Variants in TMEM132C observed in about 807,000 individuals in gnomAD.
The protein encoded by TMEM132C is transmembrane protein 132C, also known as protein phosphatase 1, regulatory subunit 152.
A neutral mutation model predicts 61.4 loss-of-function variants in TMEM132C; 29 were observed. The ratio of observed to expected loss-of-function variants is 0.47; its 90% CI spans 0.35 to 0.64. The LOEUF is 0.64. Among genes scored for constraint, TMEM132C ranks in the 30% least tolerant of loss-of-function variants. TMEM132C has a pLI of 0.00. For missense variants in TMEM132C, 1,408 were observed against 1,476.9 expected, an observed-to-expected ratio of 0.95 and a Z score of 0.76; for synonymous variants, 656 against 633.1, an observed-to-expected ratio of 1.04 and a Z score of -0.54.
At chr12:128,274,293 T>G (rs916388162) in intron 1 of TMEM132C, among the ~76,000 whole-genome samples, 3 of 152,142 alleles carry the variant, frequency 2.0e-5, no homozygotes, top group African/African-American at 7.2e-5. Flanking sequence ...ACCCAAAGAC[T>G]TAATATAGAA....
At chr12:128,534,789 G>A (rs1295289704) in intron 2 of TMEM132C, among the ~76,000 whole-genome samples, 1 of 152,228 alleles carries the variant, frequency 6.6e-6, no homozygotes, top group African/African-American at 2.4e-5. Context: ...AACACAATCA[G>A]CCTGTTAAAC....
chr12:128,525,554 T>G (rs1202632820), intron 2 of TMEM132C, among the ~76,000 whole-genome samples: 1 of 152,196 alleles, frequency 6.6e-6, no homozygotes, highest in African/African-American at 2.4e-5. Context: ...CACCATGTGC[T>G]CTGTGTCAGT....
At chr12:128,494,044 G>A (rs1050196954) in intron 2 of TMEM132C, among the ~76,000 whole-genome samples, 26 of 152,178 alleles carry the variant, frequency 1.7e-4, no homozygotes, top group Non-Finnish European at 3.2e-4. Context: ...AATTTATTGA[G>A]AGTTTTTAGC....
At chr12:128,581,037 C>T (rs1218866603) in intron 3 of TMEM132C, among the ~76,000 whole-genome samples, 2 of 152,036 alleles carry the variant, frequency 1.3e-5, no homozygotes, top group Non-Finnish European at 2.9e-5. Context: ...TTTACAACAC[C>T]AAACCTCCCA....
At position 128,469,396 on chromosome 12, in the gene TMEM132C, G is replaced by T. The variant is rs1361635907; in HGVS notation, c.974+53776G>T. ...GGCTGGAGTGCAGTGGCTCACTGCA[G>T]CCTCGACCTCCTGGGTTCAGGTGAT... is the stretch of plus-strand genomic sequence containing the variant. On this transcript the variant is annotated intron_variant, in intron 2 of 8. Coordinates refer to ENST00000435159, the MANE Select transcript of TMEM132C (RefSeq NM_001136103.3). 4.0e-5 allele frequency among the ~76,000 whole-genome samples: 6 copies of T among 148,604 alleles called. No homozygotes were observed. The East Asian group carries it at 1.2e-3, about 30-fold the overall frequency.
At chr12:128,681,507 GC>G (rs1299616176) in intron 5 of TMEM132C, among the ~76,000 whole-genome samples, 1 of 152,126 alleles carries the variant, frequency 6.6e-6, no homozygotes, top group Non-Finnish European at 1.5e-5. Flanking sequence ...TTCTGGGATG[GC>G]TGGATCCAGG....
At chr12:128,669,953 A>T (rs534233162) in intron 5 of TMEM132C, among the ~76,000 whole-genome samples, 1 of 152,240 alleles carries the variant, frequency 6.6e-6, no homozygotes, top group Admixed American at 6.5e-5. Context: ...TTACTTTTGT[A>T]CCAACCTAAT....
At chr12:128,292,382 C>T (rs762402645) in intron 1 of TMEM132C, among the ~76,000 whole-genome samples, 7 of 152,170 alleles carry the variant, frequency 4.6e-5, no homozygotes, top group Non-Finnish European at 8.8e-5. Flanking sequence ...TTGACAATCC[C>T]TGCCCAACTT....
At position 128,451,163 on chromosome 12, in the gene TMEM132C, G is replaced by A. The variant is rs1290073968; in HGVS notation, c.974+35543G>A. Among the ~76,000 whole-genome samples the A allele has an allele frequency of 2.6e-5, 4 of 152,172 alleles. No individual in the cohort carries two copies. In the East Asian group the frequency reaches 7.7e-4, roughly 29 times the overall value. On this transcript the variant is annotated intron_variant, in intron 2 of 8. Coordinates refer to ENST00000435159, the MANE Select transcript of TMEM132C (RefSeq NM_001136103.3). The stretch of plus-strand genomic sequence containing the variant: ...CTTTTGCTAAAAATGTAGATGTTTG[G>A]CTACTAAGGGGTTAGTCTGTTTTAG...
chr12:128,419,310 G>C (rs979246105), intron 2 of TMEM132C, among the ~76,000 whole-genome samples: 1 of 152,170 alleles, frequency 6.6e-6, no homozygotes, highest in Non-Finnish European at 1.5e-5. Flanking sequence ...AGCTGGCAAA[G>C]ACAGAGTCCC....
At position 128,326,160 on chromosome 12, in the gene TMEM132C, T is replaced by C. The variant is rs1305874726; in HGVS notation, c.85+58673T>C. Among the ~76,000 whole-genome samples, 4 of 152,100 alleles carry C rather than the reference T, an allele frequency of 2.6e-5. No individual in the cohort carries two copies. In the East Asian group the frequency reaches 7.7e-4, roughly 29 times the overall value. ...AATACCATTTGTCACATTTTATTGT[T>C]TTTATGAGGGTGAGGGAACTGTACA... On this transcript the variant is annotated intron_variant, in intron 1 of 8. Coordinates refer to ENST00000435159, the MANE Select transcript of TMEM132C (RefSeq NM_001136103.3). This position sits in a 1 kb window ranked among gnomAD's most constrained non-coding sequence, Gnocchi z 5.6.
chr12:128,693,352 C>T (rs141610343), intron 5 of TMEM132C, among the ~76,000 whole-genome samples: 100 of 152,302 alleles, frequency 6.6e-4, no homozygotes, highest in African/African-American at 2.4e-3. Flanking sequence ...ATTACTCAGC[C>T]CACCCAGATT....
chr12:128,268,284 G>C (rs1483250375), intron 1 of TMEM132C, among the ~76,000 whole-genome samples: 1 of 152,216 alleles, frequency 6.6e-6, no homozygotes, highest in Non-Finnish European at 1.5e-5. Flanking sequence ...CGCCCGCAGG[G>C]CTCACGAAAG....
At chr12:128,340,847 C>CTCTG (rs748201075) in intron 1 of TMEM132C, among the ~76,000 whole-genome samples, 10,894 of 142,068 alleles carry the variant, frequency 0.077, 824 homozygotes, top group African/African-American at 0.19. Flanking sequence ...CTCTCTTTCT[C>CTCTG]TCTTTCTTTC....
chr12:128,502,117 G>A (rs1872200737), intron 2 of TMEM132C, among the ~76,000 whole-genome samples: 1 of 152,254 alleles, frequency 6.6e-6, no homozygotes, highest in Admixed American at 6.5e-5. Flanking sequence ...GTTGCAATGT[G>A]CAGCCAGGGT....
intron 4 of TMEM132C, 65 bp from the exon 5 acceptor site, chr12:128,669,352 A>T: frequency 6.5e-7 from 1 of 1,527,620 alleles, no homozygotes; most frequent in Non-Finnish European, 8.8e-7. Flanking sequence ...TCCCCCTAGA[A>T]TTGTCCAGTT....
chr12:128,355,425 G>A (rs1873472481), intron 1 of TMEM132C, among the ~76,000 whole-genome samples: 1 of 152,078 alleles, frequency 6.6e-6, no homozygotes, highest in African/African-American at 2.4e-5. Context: ...GGCCTCAGGA[G>A]AATCATCTAG....
At position 128,415,710 on chromosome 12, in the gene TMEM132C, C is replaced by A; in HGVS notation, c.974+90C>A. Reference sequence around the variant, plus strand: ...TGGCAGATAGATATTCAGGAAGCATCGATTTTCACTACCTTCAGGGACCGT... The same window carrying A: ...TGGCAGATAGATATTCAGGAAGCATAGATTTTCACTACCTTCAGGGACCGT... On this transcript the variant is annotated intron_variant, in intron 2 of 8. Transcript: ENST00000435159. This position sits in a 1 kb window ranked among gnomAD's most constrained non-coding sequence, Gnocchi z 5.8. 2.2e-6 allele frequency: 3 copies of A among 1,377,366 alleles called. No homozygotes were observed. The highest frequency in any genetic ancestry group is 1.9e-6 in the Non-Finnish European group (2 of 1,036,154). 85.3% of individuals were successfully genotyped at this position (1,377,366 alleles called of 1,614,324 possible). A position where few individuals can be genotyped will look rare whatever the true frequency, so the allele number is the denominator to read the frequency against.
intron 2 of TMEM132C, among the ~76,000 whole-genome samples, chr12:128,425,950 TC>T (rs1869168369): frequency 1.3e-5 from 2 of 152,200 alleles, no homozygotes; most frequent in Non-Finnish European, 2.9e-5. Flanking sequence ...GTTCTGAAGT[TC>T]CCCGTTTGAT....
Sources: allele counts gnomAD v4.1 joint callset (sites outside exome capture counted in the v4.1 genomes callset), GRCh38; gene constraint gnomAD v4.1.1; non-coding constraint Gnocchi (gnomAD v3.1); transcripts MANE v1.5; gene names NCBI Gene and HGNC (gene_info 2026-07-23, HGNC 2026-07-21).